The following BCL2L1 variants were observed in gnomAD, a reference collection of about 807,000 sequenced individuals.
BCL2L1 encodes BCL2 like 1.
In BCL2L1, 1 loss-of-function variant was observed where a neutral mutation model predicts 18.7. The observed-to-expected ratio is 0.05, with a 90% CI of 0.02 to 0.25. BCL2L1 has a LOEUF of 0.25. BCL2L1 is among the 10% of genes least tolerant of loss of function. The pLI is 1.00. For missense variants in BCL2L1, 207 were observed against 304.9 expected, an observed-to-expected ratio of 0.68 and a Z score of 2.39; for synonymous variants, 103 against 122.7, an observed-to-expected ratio of 0.84 and a Z score of 1.06.
At chr20:31,723,637 C>T (rs2061671756), upstream of BCL2L1, 1 of 985,566 alleles carries the variant, frequency 1.0e-6, no homozygotes, top group African/African-American at 1.7e-5. Flanking sequence ...TCCGCCCCAG[C>T]GCAGCCAATC....
rs1028694228 is a variant in BCL2L1 at position 31,709,546 on chromosome 20, G to T, written c.564+12109C>A. 5.3e-5 allele frequency among the ~76,000 whole-genome samples: 8 copies of T among 151,944 alleles called. No homozygotes were observed. In the South Asian group the frequency reaches 1.7e-3, roughly 32 times the overall value. ...CCTGCTAATTTTTGTATTTTTAGAA[G>T]AGACGAGCCGGGTGCGGTGGCTCAT... On this transcript the variant is annotated intron_variant, in intron 2 of 2. Transcript: ENST00000307677.
At chr20:31,699,160 G>A (rs1346579388) in intron 2 of BCL2L1, among the ~76,000 whole-genome samples, 1 of 152,180 alleles carries the variant, frequency 6.6e-6, no homozygotes, top group Non-Finnish European at 1.5e-5. Context: ...GAAGCCTTGA[G>A]GAAAGCTTTT....
chr20:31,673,262 T>TG (rs2060701957), intron 2 of BCL2L1, among the ~76,000 whole-genome samples: 1 of 151,570 alleles, frequency 6.6e-6, no homozygotes, highest in Non-Finnish European at 1.5e-5. Context: ...TTAGTAGAGG[T>TG]GGGGTTCCAC....
chr20:31,680,718 C>A (rs1368738787), intron 2 of BCL2L1, among the ~76,000 whole-genome samples: 2 of 152,146 alleles, frequency 1.3e-5, no homozygotes, highest in Non-Finnish European at 2.9e-5. Context: ...AGGCACTGTA[C>A]TAAGCGCTGG....
chr20:31,708,641 C>T (rs557872751), intron 2 of BCL2L1, among the ~76,000 whole-genome samples: 47 of 152,298 alleles, frequency 3.1e-4, no homozygotes, highest in Admixed American at 1.3e-3. Flanking sequence ...CAGCTGTCAA[C>T]GGCTCCCAAT....
intron 2 of BCL2L1, among the ~76,000 whole-genome samples, chr20:31,706,105 G>A (rs1251462327): frequency 1.3e-5 from 2 of 152,152 alleles, no homozygotes; most frequent in African/African-American, 2.4e-5. Context: ...GATGGAGAGT[G>A]GGTAGAACAA....
At chr20:31,690,130 C>T (rs2061037352) in intron 2 of BCL2L1, among the ~76,000 whole-genome samples, 1 of 152,118 alleles carries the variant, frequency 6.6e-6, no homozygotes, top group Admixed American at 6.6e-5. Context: ...CTCATCCAGG[C>T]TGGAGTGCAG....
intron 2 of BCL2L1, among the ~76,000 whole-genome samples, chr20:31,710,015 C>T (rs1314866935): frequency 1.3e-5 from 2 of 152,088 alleles, no homozygotes; most frequent in Non-Finnish European, 2.9e-5. Flanking sequence ...TTCTTTTCAC[C>T]TATTTAAACC....
intron 2 of BCL2L1, among the ~76,000 whole-genome samples, chr20:31,697,892 G>GTTTTTTTTTTTGTTTTTGTTTT (rs1555871510): frequency 3.1e-5 from 4 of 129,640 alleles, no homozygotes; most frequent in Non-Finnish European, 6.3e-5. Context: ...TGCTGTTGCT[G>GTTTTTTTTTTTGTTTTTGTTTT]TTTTTTTTTT....
intron 2 of BCL2L1, among the ~76,000 whole-genome samples, chr20:31,680,917 G>C (rs949894120): frequency 2.0e-5 from 3 of 152,216 alleles, no homozygotes; most frequent in African/African-American, 7.2e-5. Flanking sequence ...TTCTTAAGGA[G>C]GTGAATTTGA....
intron 2 of BCL2L1, 131 bp from the exon 3 acceptor site, chr20:31,666,217 C>CA: frequency 1.7e-6 from 2 of 1,161,892 alleles, no homozygotes; most frequent in Non-Finnish European, 1.2e-6. Context: ...CCACTCTGGG[C>CA]CAGGTAAAGG....
chr20:31,683,980 ACT>A (rs1472800364), intron 2 of BCL2L1, among the ~76,000 whole-genome samples: 2 of 152,152 alleles, frequency 1.3e-5, no homozygotes, highest in South Asian at 2.1e-4. Context: ...AAATACACTG[ACT>A]ATTAAAACAG....
rs1464038874 is a variant in BCL2L1, at chr20:31,703,182, T to A, written c.564+18473A>T. Among the ~76,000 whole-genome samples, 3 of 148,508 alleles carry A rather than the reference T, an allele frequency of 2.0e-5. No homozygotes were observed. The East Asian group carries it at 6.4e-4, about 31-fold the overall frequency. ...GCCTCAGCCTCCCAGGTAGCTGGCA[T>A]CACAGGCATGAGCCACCATGCCCGG... is the stretch of plus-strand genomic sequence containing the variant. On this transcript the variant is annotated intron_variant, in intron 2 of 2. Coordinates refer to ENST00000307677, the MANE Select transcript of BCL2L1 (RefSeq NM_138578.3).
At chr20:31,712,189 A>G (rs1290881725) in intron 2 of BCL2L1, among the ~76,000 whole-genome samples, 4 of 152,224 alleles carry the variant, frequency 2.6e-5, no homozygotes, top group Admixed American at 2.0e-4. Flanking sequence ...CATAGTGAGC[A>G]CTGGATTAAT....
chr20:31,723,806 C>G, upstream of BCL2L1: 3 of 985,468 alleles, frequency 3.0e-6, no homozygotes, highest in South Asian at 9.4e-5. Context: ...CGCAAGAGCT[C>G]TTCGCGGCCG....
chr20:31,720,810 A>T, intron 2 of BCL2L1: 1 of 985,466 alleles, frequency 1.0e-6, no homozygotes, highest in South Asian at 4.7e-5. Flanking sequence ...AATGTCCCAC[A>T]GAGCCCCAAA....
At chr20:31,707,220 G>C (rs2061380662) in intron 2 of BCL2L1, among the ~76,000 whole-genome samples, 1 of 152,184 alleles carries the variant, frequency 6.6e-6, no homozygotes, top group Non-Finnish European at 1.5e-5. Flanking sequence ...GGACAAGGTT[G>C]TGAGCCAAGG....
At chr20:31,713,419 T>C (rs1600919520) in intron 2 of BCL2L1, 1 of 985,308 alleles carries the variant, frequency 1.0e-6, no homozygotes, top group East Asian at 1.1e-4. Context: ...TCTAGGGACA[T>C]TGCTTTCCAG....
intron 2 of BCL2L1, among the ~76,000 whole-genome samples, chr20:31,685,535 A>C (rs928513568): frequency 2.6e-5 from 4 of 152,206 alleles, no homozygotes; most frequent in East Asian, 1.9e-4. Flanking sequence ...GAAAAAAGGC[A>C]ATTTGAAAGT....
Sources: allele counts gnomAD v4.1 joint callset (sites outside exome capture counted in the v4.1 genomes callset), GRCh38; gene constraint gnomAD v4.1.1; transcripts MANE v1.5; gene names NCBI Gene and HGNC (gene_info 2026-07-23, HGNC 2026-07-21).